Variants in SFXN4 observed in about 807,000 individuals in gnomAD.
SFXN4 encodes sideroflexin 4.
A neutral mutation model predicts 54.6 loss-of-function variants in SFXN4; 48 were observed. The ratio of observed to expected loss-of-function variants is 0.88; its 90% CI spans 0.70 to 1.12. SFXN4 has a LOEUF of 1.12. Among genes scored for constraint, SFXN4 ranks in the 50% most tolerant of loss-of-function variants. The pLI is 0.00. For missense variants in SFXN4, 383 were observed against 409.2 expected, an observed-to-expected ratio of 0.94 and a Z score of 0.55; for synonymous variants, 130 against 145.5, an observed-to-expected ratio of 0.89 and a Z score of 0.77.
At chr10:119,150,604 G>A (rs1432350052) in intron 11 of SFXN4, among the ~76,000 whole-genome samples, 1 of 152,064 alleles carries the variant, frequency 6.6e-6, no homozygotes, top group Non-Finnish European at 1.5e-5. Context: ...AGGAAGTTGA[G>A]GCTGCAGTGA....
chr10:119,157,928 C>T lies in SFXN4; in HGVS notation c.415-1G>A. 1 of 1,614,212 alleles carries T rather than the reference C, an allele frequency of 6.2e-7. No homozygotes were observed. The highest frequency in any genetic ancestry group is 1.1e-5 in the South Asian group (1 of 91,088). On this transcript the variant is annotated splice_acceptor_variant, in intron 7 of 13. Coordinates refer to ENST00000355697, the MANE Select transcript of SFXN4 (RefSeq NM_213649.2). LOFTEE classifies it high-confidence loss of function. ...CTGCCATGTAGGCACAGAGGAAAAC[C>T]TGCCGAGAGGGGCAAATGGATCGCA...
At position 119,146,348 on chromosome 10, in the gene SFXN4, T is replaced by C. The variant is rs1299313900; in HGVS notation, c.824A>G (p.Gln275Arg). The change falls in exon 13 of 14, where the codon CAG (glutamine) becomes CGG (arginine). Residue 275 changes from glutamine (Q) to arginine (R), a missense_variant. Gln to Arg is a conservative substitution (Grantham distance 43). Coordinates refer to ENST00000355697, the MANE Select transcript of SFXN4 (RefSeq NM_213649.2). ...TGACCCTGGGTTTTTCCTGAAATAC[T>C]GGGTCCTGTAAGAGACAAGGCATGG... ...EVFTYFFKRT[Q>R]YFRKNPGSLW... The C allele has an allele frequency of 6.3e-7, 1 of 1,599,274 alleles. No homozygotes were observed. The highest frequency in any genetic ancestry group is 2.2e-5 in the East Asian group (1 of 44,762).
At chr10:119,155,260 C>A in intron 10 of SFXN4, 83 bp from the exon 11 acceptor site, 2 of 925,226 alleles carry the variant, frequency 2.2e-6, no homozygotes, top group South Asian at 2.8e-5. Context: ...GGTGTCTGCC[C>A]CCTGCAAGCC....
At chr10:119,144,938 C>T (rs534976218) in intron 13 of SFXN4, among the ~76,000 whole-genome samples, 2 of 151,984 alleles carry the variant, frequency 1.3e-5, no homozygotes, top group South Asian at 2.1e-4. Flanking sequence ...CTGGAGAGGG[C>T]GTAGTTATAG....
intron 11 of SFXN4, among the ~76,000 whole-genome samples, chr10:119,152,936 T>C (rs1486334166): frequency 2.6e-5 from 4 of 152,114 alleles, no homozygotes; most frequent in Non-Finnish European, 1.5e-5. Flanking sequence ...TCCACTCTGC[T>C]TGATATGTCA....
At position 119,147,864 on chromosome 10, in the gene SFXN4, G is replaced by A. The variant is rs376600303; in HGVS notation, c.733-4C>T. ...ATGCTAGCGTTTCTCTAACAGCCTA[G>A]CAAAAATGAAAAGAAAACAGCTTAG... On this transcript the variant is annotated splice_region_variant and splice_polypyrimidine_tract_variant and intron_variant, in intron 11 of 13. Coordinates refer to ENST00000355697, the MANE Select transcript of SFXN4 (RefSeq NM_213649.2). 2 of 1,613,454 alleles carry A rather than the reference G, an allele frequency of 1.2e-6. No homozygotes were observed. The highest frequency in any genetic ancestry group is 2.2e-5 in the East Asian group (1 of 44,872).
intron 12 of SFXN4, 66 bp from the exon 13 acceptor site, chr10:119,146,419 G>C (rs934614244): frequency 1.1e-6 from 1 of 932,016 alleles, no homozygotes; most frequent in Non-Finnish European, 1.7e-6. Flanking sequence ...CTGAACAGCT[G>C]AATCAGGGCG....
In SFXN4 at chr10:119,165,664, TG is replaced by T. The variant is rs1360727874; in HGVS notation, c.-18del. The T allele has an allele frequency of 6.5e-7, 1 of 1,544,714 alleles. No individual in the cohort carries two copies. Among genetic ancestry groups the T allele is most frequent in the Non-Finnish European group, 8.7e-7 (1 of 1,151,462 alleles). On this transcript the variant is annotated 5_prime_UTR_variant, in exon 1 of 14. Coordinates refer to ENST00000355697, the MANE Select transcript of SFXN4 (RefSeq NM_213649.2). ...CAGGGACATTTTGCGCTGGTTAGAG[TG>T]GCCGCCGCCGCCAGGCCGCGCGTGG...
chr10:119,145,155 GT>G (rs1362411592), intron 13 of SFXN4, among the ~76,000 whole-genome samples: 1 of 151,844 alleles, frequency 6.6e-6, no homozygotes, highest in Non-Finnish European at 1.5e-5. Flanking sequence ...CTTATATACT[GT>G]TTCCCCCTCA....
chr10:119,141,121 G>A lies in SFXN4; in HGVS notation c.*121C>T, dbSNP rs1017516650. On this transcript the variant is annotated 3_prime_UTR_variant, in exon 14 of 14. Transcript: ENST00000355697. ...CGATCTCAGTATGGAATCTGAAGTC[G>A]CCTTGTCAGCACAGACACCTCTGGG... 4 of 645,910 alleles carry A rather than the reference G, an allele frequency of 6.2e-6. No homozygotes were observed. The highest frequency in any genetic ancestry group is 2.1e-5 in the South Asian group (1 of 47,808). 40.0% of individuals were successfully genotyped at this position (645,910 alleles called of 1,614,324 possible). A position where few individuals can be genotyped will look rare whatever the true frequency, so the allele number is the denominator to read the frequency against.
chr10:119,146,434 T>C (rs1846804726), intron 12 of SFXN4, 81 bp from the exon 13 acceptor site: 2 of 304,968 alleles, frequency 6.6e-6, no homozygotes, highest in Non-Finnish European at 1.2e-5. Context: ...AGGGCGTGTG[T>C]GTGTGTGTGT....
At chr10:119,159,110 T>A (rs1282801843) in intron 6 of SFXN4, among the ~76,000 whole-genome samples, 2 of 151,746 alleles carry the variant, frequency 1.3e-5, no homozygotes, top group Non-Finnish European at 2.9e-5. Context: ...CAAAACCCCA[T>A]CTCTACTAAA....
chr10:119,158,141 G>C, intron 6 of SFXN4, 79 bp from the exon 7 acceptor site: 2 of 1,368,158 alleles, frequency 1.5e-6, no homozygotes, highest in Non-Finnish European at 2.1e-6. Context: ...CTTTCCAGGG[G>C]AGAGGGAGAA....
chr10:119,161,199 G>A, intron 3 of SFXN4, 118 bp from the exon 4 acceptor site: 1 of 930,384 alleles, frequency 1.1e-6, no homozygotes, highest in Non-Finnish European at 1.7e-6. Context: ...CTGCAGAACA[G>A]CCTCGAACTA....
chr10:119,146,464 C>CAT (rs1554885845), intron 12 of SFXN4, 111 bp from the exon 13 acceptor site: 5 of 488,588 alleles, frequency 1.0e-5, no homozygotes, highest in Middle Eastern at 3.1e-4. Flanking sequence ...TGTGTGTGCA[C>CAT]GTGTGTGTGT....
At chr10:119,165,406 C>T in intron 1 of SFXN4, 131 bp downstream of exon 1, 1 of 1,330,666 alleles carries the variant, frequency 7.5e-7, no homozygotes, top group African/African-American at 1.6e-5. Flanking sequence ...GTTCCCGGCA[C>T]AACTCCGAGA....
intron 12 of SFXN4, among the ~76,000 whole-genome samples, chr10:119,146,869 T>C (rs1938321278): frequency 2.0e-5 from 3 of 151,958 alleles, no homozygotes; most frequent in South Asian, 4.1e-4. Flanking sequence ...CACCATCCCA[T>C]CCCTCCTTCT....
In SFXN4 at chr10:119,147,854, T is replaced by C; in HGVS notation, c.739A>G (p.Arg247Gly). The change falls in exon 12 of 14, where the codon AGA (arginine) becomes GGA (glycine). Residue 247 changes from arginine (R) to glycine (G), a missense_variant. Coordinates refer to ENST00000355697, the MANE Select transcript of SFXN4 (RefSeq NM_213649.2). ...ACTATTCTGGATGCTAGCGTTTCTCTAACAGCCTAGCAAAAATGAAAAGAA... is the reference window on the plus strand; with the variant it reads ...ACTATTCTGGATGCTAGCGTTTCTCCAACAGCCTAGCAAAAATGAAAAGAA... The part of the protein sequence containing the change: ...HSRIAGTKAV[R>G]ETLASRIVLF... 1 of 1,613,672 alleles carries C rather than the reference T, an allele frequency of 6.2e-7. No individual in the cohort carries two copies. Among genetic ancestry groups the C allele is most frequent in the Non-Finnish European group, 8.5e-7 (1 of 1,179,600 alleles).
intron 2 of SFXN4, among the ~76,000 whole-genome samples, chr10:119,163,411 G>T (rs963830400): frequency 6.6e-6 from 1 of 151,652 alleles, no homozygotes; most frequent in South Asian, 2.1e-4. Flanking sequence ...TTTTTGCTGG[G>T]GGAAGGGGAT....
Sources: allele counts gnomAD v4.1 joint callset (sites outside exome capture counted in the v4.1 genomes callset), GRCh38; gene constraint gnomAD v4.1.1; transcripts MANE v1.5; gene names NCBI Gene and HGNC (gene_info 2026-07-23, HGNC 2026-07-21).